BMPR1A: variants seen among roughly 807,000 people sequenced by gnomAD.
BMPR1A encodes bone morphogenetic protein receptor type 1A.
Under a neutral mutation model 66.0 loss-of-function variants are expected in BMPR1A, and 7 were observed. That is an observed-to-expected ratio of 0.11 (90% CI 0.06 to 0.20). The LOEUF is 0.20. BMPR1A is among the 10% of genes least tolerant of loss of function. The pLI, the probability that BMPR1A is intolerant of heterozygous loss-of-function variation, is 1.00. For missense variants in BMPR1A, 408 were observed against 669.1 expected, an observed-to-expected ratio of 0.61 and a Z score of 4.31; for synonymous variants, 200 against 229.7, an observed-to-expected ratio of 0.87 and a Z score of 1.17.
At chr10:86,863,915 C>T (rs1353657358) in intron 2 of BMPR1A, among the ~76,000 whole-genome samples, 2 of 152,054 alleles carry the variant, frequency 1.3e-5, no homozygotes, top group Non-Finnish European at 2.9e-5. Flanking sequence ...TGTACAAGCA[C>T]CATGGTTAAC....
intron 1 of BMPR1A, among the ~76,000 whole-genome samples, chr10:86,778,998 C>G (rs1841397262): frequency 6.8e-6 from 1 of 147,454 alleles, no homozygotes; most frequent in Non-Finnish European, 1.5e-5. Flanking sequence ...GAACTCCTGA[C>G]TTCAAGTGAT....
chr10:86,805,339 A>G (rs1386365003), intron 1 of BMPR1A, among the ~76,000 whole-genome samples: 1 of 144,608 alleles, frequency 6.9e-6, no homozygotes, highest in East Asian at 2.2e-4. Context: ...CCATATTTGC[A>G]TTATAATTCT....
chr10:86,815,223 G>A (rs1564693297), intron 1 of BMPR1A, among the ~76,000 whole-genome samples: 1 of 152,166 alleles, frequency 6.6e-6, no homozygotes, highest in Non-Finnish European at 1.5e-5. Flanking sequence ...ATTTCACAGA[G>A]TTATTTTTCC....
rs936677665 is a variant in BMPR1A, at chr10:86,924,028, G to A, written c.*309G>A. On this transcript the variant is annotated 3_prime_UTR_variant, in exon 13 of 13. Transcript: ENST00000372037. ...GATTAGTGTCTCCAGTCAAGCTCTG[G>A]GTACTGAATTGCCTGTTCATAAAAC... 1 of 437,854 alleles carries A rather than the reference G, an allele frequency of 2.3e-6. No individual in the cohort carries two copies. Among genetic ancestry groups the A allele is most frequent in the African/African-American group, 2.0e-5 (1 of 51,036 alleles). The allele number at this position is 437,854 out of a possible 1,614,324, so 27.1% of individuals were successfully genotyped here.
chr10:86,827,181 T>G (rs1842207711), intron 1 of BMPR1A, among the ~76,000 whole-genome samples: 1 of 152,188 alleles, frequency 6.6e-6, no homozygotes, highest in African/African-American at 2.4e-5. Context: ...CCTTAGTTTT[T>G]TCTTAAGTTT....
intron 1 of BMPR1A, among the ~76,000 whole-genome samples, chr10:86,825,258 A>G (rs1366188229): frequency 6.6e-6 from 1 of 151,310 alleles, no homozygotes; most frequent in East Asian, 2.0e-4. Flanking sequence ...GTTAGCCACC[A>G]GCACCCAGCC....
At chr10:86,774,424 TA>T (rs1382451786) in intron 1 of BMPR1A, among the ~76,000 whole-genome samples, 1 of 151,400 alleles carries the variant, frequency 6.6e-6, no homozygotes, top group Non-Finnish European at 1.5e-5. Context: ...TAAAGCATGG[TA>T]ACCCATTAAA....
intron 1 of BMPR1A, among the ~76,000 whole-genome samples, chr10:86,761,087 A>C (rs1841049105): frequency 6.6e-6 from 1 of 152,214 alleles, no homozygotes; most frequent in Non-Finnish European, 1.5e-5. Flanking sequence ...GGAAATCCCC[A>C]GTAGTGTTTT....
At chr10:86,861,434 A>G (rs1161060300) in intron 2 of BMPR1A, among the ~76,000 whole-genome samples, 1 of 152,218 alleles carries the variant, frequency 6.6e-6, no homozygotes, top group Non-Finnish European at 1.5e-5. Flanking sequence ...TATTCAGGGC[A>G]GTTAGAGACT....
At chr10:86,898,209 A>G (rs918809072) in intron 5 of BMPR1A, among the ~76,000 whole-genome samples, 1 of 152,042 alleles carries the variant, frequency 6.6e-6, no homozygotes, top group African/African-American at 2.4e-5. Context: ...TTTAAAGTCT[A>G]CTTTCTTTCC....
intron 2 of BMPR1A, among the ~76,000 whole-genome samples, chr10:86,856,541 T>C (rs1164112615): frequency 1.3e-5 from 2 of 152,234 alleles, no homozygotes; most frequent in Non-Finnish European, 2.9e-5. Flanking sequence ...AGTATAACTT[T>C]GGTACCAAAA....
intron 2 of BMPR1A, among the ~76,000 whole-genome samples, chr10:86,874,257 A>G (rs1452369402): frequency 6.6e-6 from 1 of 152,218 alleles, no homozygotes; most frequent in Non-Finnish European, 1.5e-5. Flanking sequence ...CACTGTCTAT[A>G]TTAATAATCA....
rs574862453 is a variant in BMPR1A, at chr10:86,840,313, A to G, written c.-153+1334A>G. 1.2e-4 allele frequency among the ~76,000 whole-genome samples: 18 copies of G among 152,302 alleles called. No individual in the cohort carries two copies. The East Asian group carries it at 1.3e-3, about 11-fold the overall frequency. ...GCCAAACCGCTGGATTAGATCTTCT[A>G]AAAAATAACGTAACTCTCGAATTCT... On this transcript the variant is annotated intron_variant, in intron 2 of 12. Coordinates refer to ENST00000372037, the MANE Select transcript of BMPR1A (RefSeq NM_004329.3).
At chr10:86,894,379 G>A (rs998596314) in intron 5 of BMPR1A, among the ~76,000 whole-genome samples, 1 of 152,154 alleles carries the variant, frequency 6.6e-6, no homozygotes, top group Admixed American at 6.5e-5. Context: ...GAATTTTATC[G>A]TATAAGCATT....
chr10:86,784,899 T>G (rs1215001620), intron 1 of BMPR1A, among the ~76,000 whole-genome samples: 1 of 152,090 alleles, frequency 6.6e-6, no homozygotes, highest in Non-Finnish European at 1.5e-5. Context: ...TTTTTTTTTC[T>G]TAAATCTGGC....
intron 1 of BMPR1A, among the ~76,000 whole-genome samples, chr10:86,785,586 G>A (rs539938657): frequency 4.6e-5 from 7 of 152,212 alleles, no homozygotes; most frequent in Admixed American, 3.9e-4. Flanking sequence ...ATAGGCGTGA[G>A]CCACTGCGCC....
At chr10:86,827,262 A>T (rs1377862035) in intron 1 of BMPR1A, among the ~76,000 whole-genome samples, 1 of 151,812 alleles carries the variant, frequency 6.6e-6, no homozygotes, top group Non-Finnish European at 1.5e-5. Context: ...CTTTATACAT[A>T]TGGAATTATT....
intron 1 of BMPR1A, among the ~76,000 whole-genome samples, chr10:86,800,340 T>A (rs1039721956): frequency 6.6e-6 from 1 of 151,752 alleles, no homozygotes; most frequent in African/African-American, 2.4e-5. Flanking sequence ...GAGGGGGGAG[T>A]GATAGTCTCA....
intron 5 of BMPR1A, among the ~76,000 whole-genome samples, chr10:86,897,367 C>T (rs1479639536): frequency 1.3e-5 from 2 of 152,120 alleles, no homozygotes; most frequent in Non-Finnish European, 2.9e-5. Context: ...CCAATTTTTG[C>T]CTACCCAGAT....
Sources: gnomAD v4.1 joint callset for allele counts (sites outside exome capture counted in the v4.1 genomes callset) on GRCh38, gnomAD v4.1.1 for gene constraint, MANE v1.5 for transcripts, NCBI Gene and HGNC (gene_info 2026-07-23, HGNC 2026-07-21) for gene names.